LRRC14: variants seen among roughly 807,000 people sequenced by gnomAD.
LRRC14 encodes leucine-rich repeat-containing protein 14.
A neutral mutation model predicts 25.3 loss-of-function variants in LRRC14; 16 were observed. The ratio of observed to expected loss-of-function variants is 0.63; its 90% CI spans 0.43 to 0.96. LRRC14 has a LOEUF of 0.96. Among genes scored for constraint, LRRC14 ranks in the 40% least tolerant of loss-of-function variants. LRRC14 has a pLI of 0.00. For synonymous variants in LRRC14, 359 were observed against 295.1 expected, an observed-to-expected ratio of 1.22 and a Z score of -2.22; for missense variants, 594 against 660.5, an observed-to-expected ratio of 0.90 and a Z score of 1.10.
In LRRC14 at chr8:144,524,851, G is replaced by T; in HGVS notation, c.*3373G>T. The stretch of plus-strand genomic sequence containing the variant: ...GGCGGGATTCCCAGCGGGACGACGC[G>T]CAACCGCAGGGCGCCACACTCCACC... On this transcript the variant is annotated 3_prime_UTR_variant, in exon 4 of 4. Transcript: ENST00000292524. 6.7e-7 allele frequency: 1 copy of T among 1,488,522 alleles called. No individual in the cohort carries two copies. Among genetic ancestry groups the T allele is most frequent in the South Asian group, 1.2e-5 (1 of 80,736 alleles). 92.2% of individuals were successfully genotyped at this position (1,488,522 alleles called of 1,614,324 possible). A position where few individuals can be genotyped will look rare whatever the true frequency, so the allele number is the denominator to read the frequency against.
In LRRC14 at chr8:144,523,863, G is replaced by A. The variant is rs1816235008; in HGVS notation, c.*2385G>A. Reference sequence around the variant, plus strand: ...GTCTGCCTCCCCTCAGCCTAAAAGTGTGCAGAACCCTCAATTCTGTTAAGT... The same window carrying A: ...GTCTGCCTCCCCTCAGCCTAAAAGTATGCAGAACCCTCAATTCTGTTAAGT... On this transcript the variant is annotated 3_prime_UTR_variant, in exon 4 of 4. Coordinates refer to ENST00000292524, the MANE Select transcript of LRRC14 (RefSeq NM_014665.4). The A allele has an allele frequency of 5.5e-6, 3 of 545,468 alleles. No individual in the cohort carries two copies. Among genetic ancestry groups the A allele is most frequent in the Admixed American group, 6.8e-5 (2 of 29,606 alleles). The allele number at this position is 545,468 out of a possible 1,614,324, so 33.8% of individuals were successfully genotyped here. A position where few individuals can be genotyped will look rare whatever the true frequency, so the allele number is the denominator to read the frequency against.
chr8:144,520,874 T>C (rs368376186), intron 3 of LRRC14, 37 bp from the exon 4 acceptor site: 3 of 1,595,954 alleles, frequency 1.9e-6, no homozygotes, highest in Non-Finnish European at 2.6e-6. Flanking sequence ...GGACCCTCCC[T>C]GGCTCTGCCT....
chr8:144,519,645 T>G lies in LRRC14; in HGVS notation c.-81T>G. The G allele has an allele frequency of 3.2e-6, 4 of 1,268,028 alleles. No homozygotes were observed. Among genetic ancestry groups the G allele is most frequent in the Middle Eastern group, 2.5e-4 (1 of 3,998 alleles). 78.5% of individuals were successfully genotyped at this position (1,268,028 alleles called of 1,614,324 possible). On this transcript the variant is annotated 5_prime_UTR_variant, in exon 2 of 4. Coordinates refer to ENST00000292524, the MANE Select transcript of LRRC14 (RefSeq NM_014665.4). ...ATGCTGGGCCTTCCTACCACTTGTG[T>G]GTGGCTTGGTAGTGGCCTAGGGTCT...
chr8:144,524,779 G>A lies in LRRC14; in HGVS notation c.*3301G>A. ...TTGCGGGGGTCTTCCTCTCCCTGGG[G>A]GCACCCCGTCCTCCCGCAGCTCCAC... On this transcript the variant is annotated 3_prime_UTR_variant, in exon 4 of 4. Coordinates refer to ENST00000292524, the MANE Select transcript of LRRC14 (RefSeq NM_014665.4). 7.0e-7 allele frequency: 1 copy of A among 1,435,686 alleles called. No individual in the cohort carries two copies. The highest frequency in any genetic ancestry group is 9.1e-7 in the Non-Finnish European group (1 of 1,099,620). 88.9% of individuals were successfully genotyped at this position (1,435,686 alleles called of 1,614,324 possible).
Position 144,520,586 on chromosome 8 carries a change from C to T in LRRC14, c.678C>T (p.Asp226=), listed in dbSNP as rs1215564149. 6.2e-7 allele frequency: 1 copy of T among 1,600,828 alleles called. No homozygotes were observed. The highest frequency in any genetic ancestry group is 1.3e-5 in the African/African-American group (1 of 75,074). ...LLDAGCLRRV[D]LRFNNLGLRG... ...ATGCAGGCTGCCTGCGCCGCGTGGA[C>T]CTGCGCTTCAACAATCTGGGCCTGC... The change falls in exon 3 of 4, where the codon GAC becomes GAT. Residue 226 remains aspartate, a synonymous_variant. Coordinates refer to ENST00000292524, the MANE Select transcript of LRRC14 (RefSeq NM_014665.4).
chr8:144,519,778 C>A lies in LRRC14; in HGVS notation c.53C>A (p.Ala18Asp). 1 of 1,612,986 alleles carries A rather than the reference C, an allele frequency of 6.2e-7. No individual in the cohort carries two copies. The highest frequency in any genetic ancestry group is 2.2e-5 in the East Asian group (1 of 44,880). Residue 18 changes from alanine (A) to aspartate (D), a missense_variant, in exon 2 of 4, where the codon GCT (alanine) becomes GAT (aspartate). Transcript: ENST00000292524. ...STRQVLQCQP[A>D]ACQALPLLPR... The stretch of plus-strand genomic sequence containing the variant: ...CGGCAGGTGCTGCAGTGCCAGCCAG[C>A]TGCCTGCCAGGCCCTGCCCTTGCTG...
chr8:144,525,136 C>A lies in LRRC14; in HGVS notation c.*3658C>A, dbSNP rs1393654757. On this transcript the variant is annotated 3_prime_UTR_variant, in exon 4 of 4. Coordinates refer to ENST00000292524, the MANE Select transcript of LRRC14 (RefSeq NM_014665.4). ...TAACTTTTGACGCTATAAATAGGTTCAAGAAACTAATAAAACGTTCTGGTT... is the reference window on the plus strand; with the variant it reads ...TAACTTTTGACGCTATAAATAGGTTAAAGAAACTAATAAAACGTTCTGGTT... 4.5e-6 allele frequency: 3 copies of A among 671,520 alleles called. No homozygotes were observed. The African/African-American group carries it at 5.7e-5, about 13-fold the overall frequency. 41.6% of individuals were successfully genotyped at this position (671,520 alleles called of 1,614,324 possible).
At position 144,523,536 on chromosome 8, in the gene LRRC14, A is replaced by G. The variant is rs1816218538; in HGVS notation, c.*2058A>G. The G allele has an allele frequency of 7.3e-7, 1 of 1,365,972 alleles. No individual in the cohort carries two copies. Among genetic ancestry groups the G allele is most frequent in the African/African-American group, 1.5e-5 (1 of 66,090 alleles). The allele number at this position is 1,365,972 out of a possible 1,614,324, so 84.6% of individuals were successfully genotyped here. A position where few individuals can be genotyped will look rare whatever the true frequency, so the allele number is the denominator to read the frequency against. ...CCACAGCGTTTTCACACGGAGTCCA[A>G]GGCCCTGCCACCCCTTCCTTGACCC... On this transcript the variant is annotated 3_prime_UTR_variant, in exon 4 of 4. Coordinates refer to ENST00000292524, the MANE Select transcript of LRRC14 (RefSeq NM_014665.4).
Position 144,524,429 on chromosome 8 carries a change from C to T in LRRC14, c.*2951C>T. 6.3e-7 allele frequency: 1 copy of T among 1,597,650 alleles called. No individual in the cohort carries two copies. The highest frequency in any genetic ancestry group is 8.5e-7 in the Non-Finnish European group (1 of 1,179,718). On this transcript the variant is annotated 3_prime_UTR_variant, in exon 4 of 4. Coordinates refer to ENST00000292524, the MANE Select transcript of LRRC14 (RefSeq NM_014665.4). Reference sequence around the variant, plus strand: ...ATGGAGTATCCCGCCCCTTTAGACCCCAGGCGCTCACCGGCAGGTGCAAGA... The same window carrying T: ...ATGGAGTATCCCGCCCCTTTAGACCTCAGGCGCTCACCGGCAGGTGCAAGA...
chr8:144,522,435 G>C lies in LRRC14; in HGVS notation c.*957G>C. On this transcript the variant is annotated 3_prime_UTR_variant, in exon 4 of 4. Coordinates refer to ENST00000292524, the MANE Select transcript of LRRC14 (RefSeq NM_014665.4). ...ACGGAGCATGCGCGAGGCCGCACCG[G>C]CCAATCTCCGGCGCCCACGTCATCC... The C allele has an allele frequency of 7.2e-7, 1 of 1,385,974 alleles. No homozygotes were observed. The allele number at this position is 1,385,974 out of a possible 1,614,324, so 85.9% of individuals were successfully genotyped here. A position where few individuals can be genotyped will look rare whatever the true frequency, so the allele number is the denominator to read the frequency against.
In LRRC14 at chr8:144,525,153, G is replaced by A. The variant is rs966702535; in HGVS notation, c.*3675G>A. On this transcript the variant is annotated 3_prime_UTR_variant, in exon 4 of 4. Coordinates refer to ENST00000292524, the MANE Select transcript of LRRC14 (RefSeq NM_014665.4). The stretch of plus-strand genomic sequence containing the variant: ...AATAGGTTCAAGAAACTAATAAAAC[G>A]TTCTGGTTTTCTCCTTTGACAAAAA... 2 of 598,826 alleles carry A rather than the reference G, an allele frequency of 3.3e-6. No homozygotes were observed. The highest frequency in any genetic ancestry group is 1.9e-5 in the African/African-American group (1 of 51,860). 37.1% of individuals were successfully genotyped at this position (598,826 alleles called of 1,614,324 possible).
chr8:144,522,736 G>A lies in LRRC14; in HGVS notation c.*1258G>A, dbSNP rs1301420596. On this transcript the variant is annotated 3_prime_UTR_variant, in exon 4 of 4. Coordinates refer to ENST00000292524, the MANE Select transcript of LRRC14 (RefSeq NM_014665.4). ...GCGCCTTTTTTCGCCTGCGGCGCCG[G>A]CGACAGATCATGGCGACCAGGAGCA... is the stretch of plus-strand genomic sequence containing the variant. 5.0e-6 allele frequency: 8 copies of A among 1,590,844 alleles called. No homozygotes were observed. Among genetic ancestry groups the A allele is most frequent in the Non-Finnish European group, 6.0e-6 (7 of 1,170,366 alleles).
At position 144,523,047 on chromosome 8, in the gene LRRC14, C is replaced by G; in HGVS notation, c.*1569C>G. Reference sequence around the variant, plus strand: ...AGGAAGAGCATGCCGCTGCCCGTGTCGGATGCCGAGTGTCCGCCCAGGCCC... The same window carrying G: ...AGGAAGAGCATGCCGCTGCCCGTGTGGGATGCCGAGTGTCCGCCCAGGCCC... On this transcript the variant is annotated 3_prime_UTR_variant, in exon 4 of 4. Transcript: ENST00000292524. The G allele has an allele frequency of 6.2e-7, 1 of 1,603,004 alleles. No homozygotes were observed. The highest frequency in any genetic ancestry group is 8.5e-7 in the Non-Finnish European group (1 of 1,176,540).
chr8:144,520,182 G>T, intron 2 of LRRC14, 56 bp from the exon 3 acceptor site: 1 of 1,580,484 alleles, frequency 6.3e-7, no homozygotes, highest in Non-Finnish European at 8.6e-7. Flanking sequence ...AAGGTGGCTG[G>T]GAGGGGGTAT....
chr8:144,518,797 C>T (rs1213735149), intron 1 of LRRC14: 1 of 152,410 alleles, frequency 6.6e-6, no homozygotes, highest in East Asian at 1.9e-4. Context: ...AGCAGCAGGG[C>T]TGGCACCCTG....
chr8:144,523,851 C>T lies in LRRC14; in HGVS notation c.*2373C>T. On this transcript the variant is annotated 3_prime_UTR_variant, in exon 4 of 4. Transcript: ENST00000292524. ...CTTTGCAATTTTGTCTGCCTCCCCT[C>T]AGCCTAAAAGTGTGCAGAACCCTCA... The T allele has an allele frequency of 2.0e-6, 1 of 495,458 alleles. No homozygotes were observed. Among genetic ancestry groups the T allele is most frequent in the East Asian group, 3.3e-5 (1 of 30,198 alleles). The allele number at this position is 495,458 out of a possible 1,614,324, so 30.7% of individuals were successfully genotyped here.
rs771203297 is a variant in LRRC14, at chr8:144,520,253, G to A, written c.345G>A (p.Arg115=). The A allele has an allele frequency of 6.2e-7, 1 of 1,609,556 alleles. No individual in the cohort carries two copies. Among genetic ancestry groups the A allele is most frequent in the Non-Finnish European group, 8.5e-7 (1 of 1,179,938 alleles). Residue 115 remains arginine (R), a synonymous_variant, in exon 3 of 4, where the codon CGG becomes CGA. Coordinates refer to ENST00000292524, the MANE Select transcript of LRRC14 (RefSeq NM_014665.4). ...CTACTCCCAGGAAGCATGCGCTGCG[G>A]GTGCTGGACATGACGGGCCTCTTGG... ...TQPLCRKHAL[R]VLDMTGLLDD...
Position 144,525,163 on chromosome 8 carries a change from T to C in LRRC14, c.*3685T>C. 1.8e-6 allele frequency: 1 copy of C among 560,592 alleles called. No homozygotes were observed. Among genetic ancestry groups the C allele is most frequent in the Non-Finnish European group, 2.7e-6 (1 of 365,822 alleles). 34.7% of individuals were successfully genotyped at this position (560,592 alleles called of 1,614,324 possible). ...AGAAACTAATAAAACGTTCTGGTTT[T>C]CTCCTTTGACAAAAACATTTTCTTA... On this transcript the variant is annotated 3_prime_UTR_variant, in exon 4 of 4. Transcript: ENST00000292524.
Position 144,524,398 on chromosome 8 carries a change from G to C in LRRC14, c.*2920G>C, listed in dbSNP as rs750835117. The C allele has an allele frequency of 6.3e-7, 1 of 1,595,052 alleles. No homozygotes were observed. The highest frequency in any genetic ancestry group is 1.3e-5 in the African/African-American group (1 of 74,780). The stretch of plus-strand genomic sequence containing the variant: ...CTATTCCAGCCCTACAGGGCGAGGG[G>C]CCATAATGGAGTATCCCGCCCCTTT... On this transcript the variant is annotated 3_prime_UTR_variant, in exon 4 of 4. Transcript: ENST00000292524.
Sources: allele counts gnomAD v4.1 joint callset, GRCh38; gene constraint gnomAD v4.1.1; transcripts MANE v1.5; gene names NCBI Gene and HGNC (gene_info 2026-07-23, HGNC 2026-07-21).